DCC: variants seen among roughly 807,000 people sequenced by gnomAD.
DCC encodes the protein DCC netrin 1 receptor.
In DCC, 58 loss-of-function variants were observed where a neutral mutation model predicts 172.5. The observed-to-expected ratio is 0.34, with a 90% CI of 0.27 to 0.42. The LOEUF (loss-of-function observed/expected upper bound fraction) is 0.42, where lower values mean the gene tolerates loss of function less well. Ranked by LOEUF, DCC falls within the 10% of genes least tolerant of loss-of-function variation. The pLI is 1.00. For missense variants in DCC, 1,740 were observed against 1,791.0 expected (o/e 0.97, Z 0.51); for synonymous variants, 709 against 644.5 (o/e 1.10, Z -1.52).
intron 15 of DCC, among the ~76,000 whole-genome samples, chr18:53,374,062 T>C (rs8091068): frequency 0.55 from 84,116 of 152,058 alleles, 24,084 homozygotes; most frequent in Non-Finnish European, 0.65. Flanking sequence ...ACTACAGCAA[T>C]GCCATGGGAG....
At chr18:53,519,277 C>T (rs1021824433) in intron 27 of DCC, among the ~76,000 whole-genome samples, 1 of 152,094 alleles carries the variant, frequency 6.6e-6, no homozygotes, top group Non-Finnish European at 1.5e-5. Context: ...AAAATGCTTC[C>T]TCAGTATCTG....
Position 52,726,203 on chromosome 18 carries a change from G to A in DCC, c.92-25851G>A, listed in dbSNP as rs76937351. Among the ~76,000 whole-genome samples the A allele has an allele frequency of 7.6e-3, 1,159 of 152,222 alleles. 16 individuals carry two copies. The highest frequency in any genetic ancestry group is 0.026 in the African/African-American group (1,093 of 41,516). ...TGTTTTGTAGAAAAGAAGTATACGT[G>A]GCTTGCTAATGTCACACACAGCTGG... On this transcript the variant is annotated intron_variant, in intron 1 of 28. Coordinates refer to ENST00000442544, the MANE Select transcript of DCC (RefSeq NM_005215.4).
Position 53,207,744 on chromosome 18 carries a change from T to C in DCC, c.1788T>C (p.Leu596=). 1 of 1,613,066 alleles carries C rather than the reference T, an allele frequency of 6.2e-7. No individual in the cohort carries two copies. Among genetic ancestry groups the C allele is most frequent in the South Asian group, 1.1e-5 (1 of 91,058 alleles). ...TGAAAAAATTCACCGAATATAGTCT[T>C]CGATTCTTAGCTTATAATCGCTATG... The part of the protein sequence containing the change: ...EGLKKFTEYS[L]RFLAYNRYGP... Residue 596 remains leucine (L), a synonymous_variant, in exon 11 of 29, where the codon CTT becomes CTC. Transcript: ENST00000442544.
chr18:52,724,984 C>A (rs2036530387), intron 1 of DCC, among the ~76,000 whole-genome samples: 1 of 152,140 alleles, frequency 6.6e-6, no homozygotes, highest in Non-Finnish European at 1.5e-5. Flanking sequence ...TCTTTCTCAC[C>A]AAATAAAGAA....
At chr18:53,392,982 G>T (rs921213228) in intron 17 of DCC, among the ~76,000 whole-genome samples, 1 of 152,138 alleles carries the variant, frequency 6.6e-6, no homozygotes, top group African/African-American at 2.4e-5. Context: ...GTTCAACCCT[G>T]GCTGTCTTCT....
At chr18:52,910,733 G>C (rs1428066502) in intron 3 of DCC, among the ~76,000 whole-genome samples, 1 of 152,102 alleles carries the variant, frequency 6.6e-6, no homozygotes, top group African/African-American at 2.4e-5. Flanking sequence ...TCTTTAGTTT[G>C]CCTAATGGCC....
chr18:52,579,173 T>C (rs1598928245), intron 1 of DCC, among the ~76,000 whole-genome samples: 1 of 152,342 alleles, frequency 6.6e-6, no homozygotes, highest in Middle Eastern at 3.4e-3. Context: ...GATAAAGTAG[T>C]TGTAATCATT....
intron 5 of DCC, among the ~76,000 whole-genome samples, chr18:53,031,383 A>C (rs2042023545): frequency 6.6e-6 from 1 of 152,128 alleles, no homozygotes. Context: ...ATCTTTTCTG[A>C]TTAAAATCAA....
At chr18:52,541,048 G>A (rs754853328) in intron 1 of DCC, among the ~76,000 whole-genome samples, 3 of 152,160 alleles carry the variant, frequency 2.0e-5, no homozygotes, top group Admixed American at 1.3e-4. Context: ...TCATGGTCCC[G>A]TTTGATTCTC....
chr18:52,658,175 A>C (rs910033647), intron 1 of DCC, among the ~76,000 whole-genome samples: 2 of 152,194 alleles, frequency 1.3e-5, no homozygotes, highest in African/African-American at 4.8e-5. Context: ...TAATGTCACA[A>C]AACATATTTA....
chr18:53,422,978 G>T (rs1391727656), intron 21 of DCC, among the ~76,000 whole-genome samples: 1 of 152,146 alleles, frequency 6.6e-6, no homozygotes, highest in African/African-American at 2.4e-5. Flanking sequence ...AGTAGTAGCA[G>T]AAAATGAATA....
Position 53,065,445 on chromosome 18 carries a change from A to G in DCC, c.1141-601A>G, listed in dbSNP as rs184553170. 2.9e-3 allele frequency among the ~76,000 whole-genome samples: 441 copies of G among 152,282 alleles called. 4 individuals carry two copies. The highest frequency in any genetic ancestry group is 5.1e-3 in the Non-Finnish European group (344 of 68,026). ...TGCTGTATTTAATCTATAAAGGTGA[A>G]ACATTTCAGCCATACAATAAGAACC... is the stretch of plus-strand genomic sequence containing the variant. On this transcript the variant is annotated intron_variant, in intron 6 of 28. Transcript: ENST00000442544.
intron 14 of DCC, among the ~76,000 whole-genome samples, chr18:53,326,935 AAC>A (rs2057474430): frequency 6.6e-6 from 1 of 152,180 alleles, no homozygotes. Flanking sequence ...TATGTTGTAT[AAC>A]TTACCCCCCT....
In DCC at chr18:52,774,856, C is replaced by T. The variant is rs143014712; in HGVS notation, c.412+22482C>T. Among the ~76,000 whole-genome samples, 679 of 152,286 alleles carry T rather than the reference C, an allele frequency of 4.5e-3. 3 individuals carry two copies. The highest frequency in any genetic ancestry group is 0.034 in the Middle Eastern group (10 of 294). Reference sequence around the variant, plus strand: ...GAATAGTTAGTGTGATTTACACCTTCGGCAGCTGAGCCAAATCCTCACTTT... The same window carrying T: ...GAATAGTTAGTGTGATTTACACCTTTGGCAGCTGAGCCAAATCCTCACTTT... On this transcript the variant is annotated intron_variant, in intron 2 of 28. Transcript: ENST00000442544.
intron 1 of DCC, among the ~76,000 whole-genome samples, chr18:52,645,084 G>C (rs2034993837): frequency 6.6e-6 from 1 of 152,096 alleles, no homozygotes. Context: ...CATTGATTTT[G>C]CATTTACATT....
intron 1 of DCC, among the ~76,000 whole-genome samples, chr18:52,568,811 A>G (rs1251365014): frequency 6.6e-6 from 1 of 152,192 alleles, no homozygotes; most frequent in African/African-American, 2.4e-5. Flanking sequence ...CTTCCACTCT[A>G]GAATGATATT....
chr18:52,563,991 C>T (rs1342496230), intron 1 of DCC, among the ~76,000 whole-genome samples: 2 of 152,158 alleles, frequency 1.3e-5, no homozygotes, highest in Non-Finnish European at 2.9e-5. Context: ...TCCAATATAG[C>T]ATTCCTAATA....
intron 12 of DCC, among the ~76,000 whole-genome samples, chr18:53,273,754 T>G (rs1406336064): frequency 1.3e-5 from 2 of 151,886 alleles, no homozygotes; most frequent in Non-Finnish European, 2.9e-5. Flanking sequence ...TTACCCCAGT[T>G]ATTTCAATAT....
At chr18:52,860,262 C>G (rs1345333514) in intron 2 of DCC, among the ~76,000 whole-genome samples, 1 of 152,226 alleles carries the variant, frequency 6.6e-6, no homozygotes, top group Non-Finnish European at 1.5e-5. Flanking sequence ...GTTCATACAT[C>G]AGCTGGCACA....
Sources: gnomAD v4.1 joint callset for allele counts (sites outside exome capture counted in the v4.1 genomes callset) on GRCh38, gnomAD v4.1.1 for gene constraint, MANE v1.5 for transcripts, NCBI Gene and HGNC (gene_info 2026-07-23, HGNC 2026-07-21) for gene names.